Variants in RSRC1 observed in about 807,000 individuals in gnomAD.
RSRC1 encodes arginine and serine rich coiled-coil 1.
RSRC1 carries 39 observed loss-of-function variants against 49.1 expected under a neutral mutation model. That is an observed-to-expected ratio of 0.79 (90% confidence interval 0.61 to 1.04). The LOEUF (loss-of-function observed/expected upper bound fraction) is 1.04. Ranked by LOEUF, RSRC1 falls within the 50% of genes least tolerant of loss-of-function variation. The probability of loss-of-function intolerance (pLI) is 0.00; values close to 1 mark genes in which losing one functional copy is unlikely to be tolerated. For synonymous variants in RSRC1, 143 were observed against 130.8 expected (o/e 1.09, Z -0.63); for missense variants, 388 against 402.4 (o/e 0.96, Z 0.31).
intron 3 of RSRC1, among the ~76,000 whole-genome samples, chr3:158,142,187 A>G (rs1716791240): frequency 1.3e-5 from 2 of 152,360 alleles, no homozygotes; most frequent in Middle Eastern, 6.8e-3. Context: ...TTTATTATCC[A>G]TTAAATCTAT....
chr3:158,443,391 T>C (rs1199365748), intron 6 of RSRC1, among the ~76,000 whole-genome samples: 1 of 152,070 alleles, frequency 6.6e-6, no homozygotes, highest in Non-Finnish European at 1.5e-5. Context: ...TCCATCAGCA[T>C]TGCTGCTTCA....
intron 3 of RSRC1, among the ~76,000 whole-genome samples, chr3:158,145,566 G>C (rs1163738729): frequency 1.3e-5 from 2 of 152,190 alleles, no homozygotes; most frequent in Non-Finnish European, 2.9e-5. Flanking sequence ...CAGGTAGCAT[G>C]ATGCCTCCAG....
chr3:158,286,944 A>G (rs1317510643), intron 4 of RSRC1, among the ~76,000 whole-genome samples: 1 of 152,112 alleles, frequency 6.6e-6, no homozygotes, highest in Admixed American at 6.5e-5. Flanking sequence ...CTCCTGCCTC[A>G]GCCTTCCGAG....
chr3:158,438,165 G>A (rs1033820018), intron 6 of RSRC1, among the ~76,000 whole-genome samples: 10 of 152,056 alleles, frequency 6.6e-5, no homozygotes, highest in Admixed American at 2.6e-4. Context: ...AAGGAAATAA[G>A]AGAGGACACA....
At chr3:158,243,834 T>C (rs1723731501) in intron 4 of RSRC1, among the ~76,000 whole-genome samples, 1 of 152,180 alleles carries the variant, frequency 6.6e-6, no homozygotes. Context: ...ATGATTTGGC[T>C]CTTGGCTTGC....
intron 6 of RSRC1, among the ~76,000 whole-genome samples, chr3:158,397,052 CTTTT>C (rs1296609629): frequency 1.3e-5 from 2 of 152,066 alleles, no homozygotes; most frequent in Non-Finnish European, 2.9e-5. Flanking sequence ...TACTCATATT[CTTTT>C]GTCTATTTAA....
intron 4 of RSRC1, among the ~76,000 whole-genome samples, chr3:158,263,510 G>GA (rs1272569270): frequency 6.6e-6 from 1 of 152,072 alleles, no homozygotes; most frequent in Non-Finnish European, 1.5e-5. Context: ...CTTTGTCTGT[G>GA]TTTGGTGACA....
chr3:158,445,152 G>A (rs1239047686), intron 6 of RSRC1, among the ~76,000 whole-genome samples: 1 of 152,158 alleles, frequency 6.6e-6, no homozygotes, highest in Non-Finnish European at 1.5e-5. Flanking sequence ...TCCCATTACT[G>A]GGTGTATACC....
chr3:158,325,606 C>G (rs375301068), intron 5 of RSRC1, among the ~76,000 whole-genome samples: 9 of 152,070 alleles, frequency 5.9e-5, no homozygotes, highest in African/African-American at 9.7e-5. Flanking sequence ...TTTGGTACCA[C>G]TACCATGCTG....
chr3:158,280,566 G>T (rs1004855738), intron 4 of RSRC1, among the ~76,000 whole-genome samples: 9 of 151,074 alleles, frequency 6.0e-5, no homozygotes, highest in African/African-American at 2.2e-4. Flanking sequence ...TGTGTGTGTG[G>T]TGGGGGGCAA....
At chr3:158,376,463 C>T (rs1302285108) in intron 6 of RSRC1, among the ~76,000 whole-genome samples, 1 of 151,872 alleles carries the variant, frequency 6.6e-6, no homozygotes, top group Non-Finnish European at 1.5e-5. Flanking sequence ...TGCCCAGCCC[C>T]TGTGTAGTTC....
intron 5 of RSRC1, among the ~76,000 whole-genome samples, chr3:158,301,211 A>T (rs896054493): frequency 6.6e-6 from 1 of 152,032 alleles, no homozygotes; most frequent in African/African-American, 2.4e-5. Flanking sequence ...CTTTTCACAA[A>T]CTTGTTCACT....
chr3:158,419,184 A>C (rs778879596), intron 6 of RSRC1, among the ~76,000 whole-genome samples: 13 of 152,024 alleles, frequency 8.6e-5, no homozygotes, highest in Admixed American at 1.3e-4. Context: ...AGTATAATCA[A>C]TATAAATATA....
chr3:158,216,937 C>A (rs1165989041), intron 4 of RSRC1, among the ~76,000 whole-genome samples: 1 of 151,716 alleles, frequency 6.6e-6, no homozygotes, highest in Non-Finnish European at 1.5e-5. Context: ...GCTCCTTTTT[C>A]ACTAAAGACT....
At chr3:158,515,387 G>T (rs1421147709) in intron 7 of RSRC1, among the ~76,000 whole-genome samples, 7 of 127,662 alleles carry the variant, frequency 5.5e-5, no homozygotes, top group East Asian at 2.1e-4. Context: ...TGAAATTCTG[G>T]GTTGAAAATT....
At chr3:158,518,015 G>A (rs545453111) in intron 7 of RSRC1, among the ~76,000 whole-genome samples, 1 of 146,134 alleles carries the variant, frequency 6.8e-6, no homozygotes, top group Non-Finnish European at 1.5e-5. Context: ...ACCAAACATG[G>A]TTATGGTGTA....
At chr3:158,373,843 G>C (rs1444455796) in intron 6 of RSRC1, among the ~76,000 whole-genome samples, 2 of 151,976 alleles carry the variant, frequency 1.3e-5, no homozygotes, top group Non-Finnish European at 2.9e-5. Context: ...ATGTAAATGT[G>C]TATTTAAACA....
intron 7 of RSRC1, among the ~76,000 whole-genome samples, chr3:158,473,531 G>T (rs933991933): frequency 6.6e-6 from 1 of 152,018 alleles, no homozygotes; most frequent in Admixed American, 6.6e-5. Context: ...GGGCAGGGGG[G>T]AGGGATAGCA....
intron 7 of RSRC1, among the ~76,000 whole-genome samples, chr3:158,488,862 T>C (rs1738944269): frequency 6.6e-6 from 1 of 152,230 alleles, no homozygotes; most frequent in Admixed American, 6.5e-5. Context: ...CATGATTCAA[T>C]TGCATGAGGT....
Sources: allele counts gnomAD v4.1 joint callset (sites outside exome capture counted in the v4.1 genomes callset), GRCh38; gene constraint gnomAD v4.1.1; transcripts MANE v1.5; gene names NCBI Gene and HGNC (gene_info 2026-07-23, HGNC 2026-07-21).